ZBTB8B: variants seen among roughly 807,000 people sequenced by gnomAD.
ZBTB8B encodes zinc finger and BTB domain containing 8B, also known as zinc finger and BTB domain-containing protein 8B.
ZBTB8B carries 17 observed loss-of-function variants against 30.3 expected under a neutral mutation model. That is an observed-to-expected ratio of 0.56 (90% CI 0.38 to 0.84). The LOEUF is 0.84. ZBTB8B is among the 40% of genes least tolerant of loss of function. The pLI, the probability that ZBTB8B is intolerant of heterozygous loss-of-function variation, is 0.00. For missense variants in ZBTB8B, 515 were observed against 644.9 expected (o/e 0.80, Z 2.18); for synonymous variants, 248 against 255.6 (o/e 0.97, Z 0.28).
In ZBTB8B at chr1:32,471,584, T is replaced by G; in HGVS notation, c.960T>G (p.Asp320Glu). The G allele has an allele frequency of 6.4e-7, 1 of 1,551,700 alleles. No individual in the cohort carries two copies. The stretch of plus-strand genomic sequence containing the variant: ...GAGTAGCCATGAGTTCCATGATGGA[T>G]GTCCAGGCTGACTGGTATGGAGAGG... ...GAGVAMSSMM[D>E]VQADWYGEDS... Residue 320 changes from aspartate (D) to glutamate (E), a missense_variant, in exon 2 of 4, where the codon GAT (aspartate) becomes GAG (glutamate). By Grantham distance (45) the Asp-to-Glu change is conservative (BLOSUM62 2). This residue lies in a region of ZBTB8B where 429 missense variants were observed against 504.3 expected (regional missense o/e 0.85). Coordinates refer to ENST00000609129, the MANE Select transcript of ZBTB8B (RefSeq NM_001145720.2).
rs1031109865 is a variant in ZBTB8B, at chr1:32,494,540, C to T, written c.*9122C>T. 1.3e-5 allele frequency: 2 copies of T among 152,092 alleles called. No individual in the cohort carries two copies. Among genetic ancestry groups the T allele is most frequent in the East Asian group, 3.9e-4 (2 of 5,170 alleles). 9.4% of individuals were successfully genotyped at this position (152,092 alleles called of 1,614,324 possible). A position where few individuals can be genotyped will look rare whatever the true frequency, so the allele number is the denominator to read the frequency against. On this transcript the variant is annotated 3_prime_UTR_variant, in exon 4 of 4. Transcript: ENST00000609129. ...GGTCTGCATTCTTGCAATGCTTAGA[C>T]AGGGAGGGGGAAATCACATTTTGAG...
intron 2 of ZBTB8B, among the ~76,000 whole-genome samples, chr1:32,476,861 G>A (rs2148183481): frequency 6.6e-6 from 1 of 152,246 alleles, no homozygotes; most frequent in East Asian, 1.9e-4. Context: ...CTCCATGAGG[G>A]GCAGGGACTT....
intron 2 of ZBTB8B, among the ~76,000 whole-genome samples, chr1:32,479,469 G>A (rs764569040): frequency 1.3e-5 from 2 of 152,112 alleles, no homozygotes; most frequent in Admixed American, 6.5e-5. Context: ...GTTGCAGTGA[G>A]CCAAGATCGT....
At chr1:32,470,559 A>ATTAACT in intron 1 of ZBTB8B, 25 bp from the exon 2 acceptor site, 1 of 1,406,192 alleles carries the variant, frequency 7.1e-7, no homozygotes, top group Non-Finnish European at 9.4e-7. Context: ...GGATTTGTGA[A>ATTAACT]TTAACTTAAG....
rs1431909499 is a variant in ZBTB8B, at chr1:32,496,217, AAAG to A, written c.*10804_*10806del. 3.3e-5 allele frequency: 5 copies of A among 152,206 alleles called. No homozygotes were observed. Among genetic ancestry groups the A allele is most frequent in the African/African-American group, 1.2e-4 (5 of 41,444 alleles). The allele number at this position is 152,206 out of a possible 1,614,324, so 9.4% of individuals were successfully genotyped here. On this transcript the variant is annotated 3_prime_UTR_variant, in exon 4 of 4. Transcript: ENST00000609129. ...AAGCTGGGACATTTTAGATTCTGTG[AAAG>A]AAGACTGACTACTGTCTGATGAATG... is the stretch of plus-strand genomic sequence containing the variant.
chr1:32,473,597 C>T (rs1475659171), intron 2 of ZBTB8B, among the ~76,000 whole-genome samples: 1 of 150,664 alleles, frequency 6.6e-6, no homozygotes, highest in Admixed American at 6.6e-5. Context: ...ACTGCAGCCT[C>T]GACCTCCCGA....
intron 1 of ZBTB8B, among the ~76,000 whole-genome samples, chr1:32,467,978 TG>T (rs1643585603): frequency 6.6e-6 from 1 of 151,606 alleles, no homozygotes; most frequent in African/African-American, 2.4e-5. Context: ...TAGCCTGGCG[TG>T]GGGGTGGGTA....
chr1:32,485,023 G>A (rs938813621), intron 3 of ZBTB8B, 78 bp from the exon 4 acceptor site: 6 of 1,386,594 alleles, frequency 4.3e-6, no homozygotes, highest in Non-Finnish European at 5.9e-6. Context: ...ATCAGGCAGG[G>A]GCCAGATCAC....
chr1:32,479,722 C>T (rs1396058427), intron 2 of ZBTB8B, among the ~76,000 whole-genome samples: 2 of 152,036 alleles, frequency 1.3e-5, no homozygotes, highest in Non-Finnish European at 2.9e-5. Flanking sequence ...TATCCTGGAA[C>T]CAATTCCCAG....
At position 32,485,262 on chromosome 1, in the gene ZBTB8B, G is replaced by C. The variant is rs532054923; in HGVS notation, c.1332G>C (p.Leu444Phe). Reference protein sequence around the residue: ...DDDLMPINLSLVEASSESQEK... With the variant: ...DDDLMPINLSFVEASSESQEK... ...ATTTGATGCCCATCAACCTTAGCTTGGTGGAGGCTTCATCTGAAAGCCAAG... is the reference window on the plus strand; with the variant it reads ...ATTTGATGCCCATCAACCTTAGCTTCGTGGAGGCTTCATCTGAAAGCCAAG... Residue 444 changes from leucine (L) to phenylalanine (F), a missense_variant, in exon 4 of 4, where the codon TTG (leucine) becomes TTC (phenylalanine). Physicochemically the swap from Leu to Phe is conservative, Grantham distance 22. Around this residue, in one of 3 missense-constraint regions of ZBTB8B, gnomAD observed 429 missense variants for 504.3 expected, o/e 0.85. Transcript: ENST00000609129. The C allele has an allele frequency of 1.2e-5, 19 of 1,552,100 alleles. No individual in the cohort carries two copies. In the East Asian group the frequency reaches 4.2e-4, roughly 34 times the overall value.
chr1:32,492,360 T>C lies in ZBTB8B; in HGVS notation c.*6942T>C, dbSNP rs1486311501. On this transcript the variant is annotated 3_prime_UTR_variant, in exon 4 of 4. Transcript: ENST00000609129. ...CTCTTGTTGCCAGGCTGGAGTGCAGTGGTGCAATCTCGGCTCACCACAACC... is the reference window on the plus strand; with the variant it reads ...CTCTTGTTGCCAGGCTGGAGTGCAGCGGTGCAATCTCGGCTCACCACAACC... 2 of 148,306 alleles carry C rather than the reference T, an allele frequency of 1.3e-5. No individual in the cohort carries two copies. The highest frequency in any genetic ancestry group is 2.9e-5 in the Non-Finnish European group (2 of 68,784). The allele number at this position is 148,306 out of a possible 1,614,324, so 9.2% of individuals were successfully genotyped here. A position where few individuals can be genotyped will look rare whatever the true frequency, so the allele number is the denominator to read the frequency against.
chr1:32,473,543 T>C (rs1017871847), intron 2 of ZBTB8B, among the ~76,000 whole-genome samples: 1 of 148,144 alleles, frequency 6.8e-6, no homozygotes, highest in Non-Finnish European at 1.5e-5. Context: ...GACAGGGTCT[T>C]ACTCTGTTGC....
Position 32,491,654 on chromosome 1 carries a change from G to T in ZBTB8B, c.*6236G>T, listed in dbSNP as rs1643780310. The T allele has an allele frequency of 6.6e-6, 1 of 152,198 alleles. No individual in the cohort carries two copies. 9.4% of individuals were successfully genotyped at this position (152,198 alleles called of 1,614,324 possible). The stretch of plus-strand genomic sequence containing the variant: ...CTCTTATAACAGCTTCATAGACATG[G>T]CCTCCAGTGTCCCTATAAAAGACAT... On this transcript the variant is annotated 3_prime_UTR_variant, in exon 4 of 4. Coordinates refer to ENST00000609129, the MANE Select transcript of ZBTB8B (RefSeq NM_001145720.2).
rs577561231 is a variant in ZBTB8B, at chr1:32,492,405, C to G, written c.*6987C>G. ...ACAACCTCCGCCTCCTGGATTGAAGCGATTCTCCTGTCTCAGCCTCCTGAG... is the reference window on the plus strand; with the variant it reads ...ACAACCTCCGCCTCCTGGATTGAAGGGATTCTCCTGTCTCAGCCTCCTGAG... On this transcript the variant is annotated 3_prime_UTR_variant, in exon 4 of 4. Transcript: ENST00000609129. The G allele has an allele frequency of 6.6e-6, 1 of 151,226 alleles. No homozygotes were observed. The highest frequency in any genetic ancestry group is 1.5e-5 in the Non-Finnish European group (1 of 68,322). 9.4% of individuals were successfully genotyped at this position (151,226 alleles called of 1,614,324 possible). A position where few individuals can be genotyped will look rare whatever the true frequency, so the allele number is the denominator to read the frequency against.
intron 2 of ZBTB8B, among the ~76,000 whole-genome samples, chr1:32,478,021 T>C (rs1470884784): frequency 6.6e-6 from 1 of 150,854 alleles, no homozygotes; most frequent in Non-Finnish European, 1.5e-5. Flanking sequence ...TGTGCCATTG[T>C]ACTCCAGCCT....
At chr1:32,470,499 C>CAAAAAAAAAAAAAAAAAAA (rs60700558) in intron 1 of ZBTB8B, 85 bp from the exon 2 acceptor site, 2 of 310,432 alleles carry the variant, frequency 6.4e-6, no homozygotes, top group African/African-American at 1.4e-4. Flanking sequence ...GACGCTGACT[C>CAAAAAAAAAAAAAAAAAAA]AAAAAAAAAA....
rs1643797432 is a variant in ZBTB8B at position 32,493,831 on chromosome 1, T to C, written c.*8413T>C. 6.6e-6 allele frequency: 1 copy of C among 152,198 alleles called. No homozygotes were observed. The highest frequency in any genetic ancestry group is 2.4e-5 in the African/African-American group (1 of 41,458). 9.4% of individuals were successfully genotyped at this position (152,198 alleles called of 1,614,324 possible). A position where few individuals can be genotyped will look rare whatever the true frequency, so the allele number is the denominator to read the frequency against. ...TTCCCATTATGTTGATCCAGTGTAC[T>C]GTGACAGATGGGGAGGAGCCCCACT... On this transcript the variant is annotated 3_prime_UTR_variant, in exon 4 of 4. Transcript: ENST00000609129.
intron 2 of ZBTB8B, among the ~76,000 whole-genome samples, chr1:32,472,056 A>G (rs1447204800): frequency 6.6e-6 from 1 of 152,144 alleles, no homozygotes; most frequent in Non-Finnish European, 1.5e-5. Flanking sequence ...CATCATCACC[A>G]GTACCATCAT....
At chr1:32,468,556 A>G (rs927002313) in intron 1 of ZBTB8B, among the ~76,000 whole-genome samples, 2 of 152,186 alleles carry the variant, frequency 1.3e-5, no homozygotes, top group African/African-American at 4.8e-5. Context: ...TCAAAGCCGA[A>G]AAAAGGCACT....
Sources: allele counts gnomAD v4.1 joint callset (sites outside exome capture counted in the v4.1 genomes callset), GRCh38; gene constraint gnomAD v4.1.1; regional missense constraint gnomAD v4.1.1; transcripts MANE v1.5; gene names NCBI Gene and HGNC (gene_info 2026-07-23, HGNC 2026-07-21).